Variants in DENND1A observed in about 807,000 individuals in gnomAD.
DENND1A encodes DENN domain containing 1A.
Under a neutral mutation model 113.7 loss-of-function variants are expected in DENND1A, and 51 were observed. The observed-to-expected ratio is 0.45, with a 90% CI of 0.36 to 0.57. DENND1A has a LOEUF of 0.57. DENND1A is among the 20% of genes least tolerant of loss of function. DENND1A has a pLI of 0.00. For synonymous variants in DENND1A, 565 were observed against 570.8 expected (o/e 0.99, Z 0.14); for missense variants, 1,258 against 1,395.9 (o/e 0.90, Z 1.57).
Position 123,387,793 on chromosome 9 carries a change from T to G in DENND1A, c.1697A>C (p.Gln566Pro). The change falls in exon 22 of 24, where the codon CAG (glutamine) becomes CCG (proline). Residue 566 changes from glutamine to proline, a missense_variant. Coordinates refer to ENST00000394215, the MANE Select transcript of DENND1A (RefSeq NM_001352964.2). ...LSEDSSDDEC[Q>P]REEGPSSGFT... ...GCCAGAGCTCGGGCCCTCTTCCCGC[T>G]GGCATTCATCATCAGAGGAGTCTTC... is the stretch of plus-strand genomic sequence containing the variant. 1 of 1,289,938 alleles carries G rather than the reference T, an allele frequency of 7.8e-7. No homozygotes were observed. The highest frequency in any genetic ancestry group is 1.0e-6 in the Non-Finnish European group (1 of 988,902). 79.9% of individuals were successfully genotyped at this position (1,289,938 alleles called of 1,614,324 possible).
At chr9:123,390,727 G>A (rs746908279) in intron 21 of DENND1A, among the ~76,000 whole-genome samples, 19 of 152,332 alleles carry the variant, frequency 1.2e-4, no homozygotes, top group Middle Eastern at 3.4e-3. Context: ...ACTGCAGCCC[G>A]GATGGTCCAC....
At chr9:123,435,469 T>C (rs2132213349) in intron 19 of DENND1A, among the ~76,000 whole-genome samples, 1 of 152,352 alleles carries the variant, frequency 6.6e-6, no homozygotes. Context: ...GGTTTTGGTT[T>C]AACCAGCTTT....
intron 13 of DENND1A, among the ~76,000 whole-genome samples, chr9:123,534,545 A>G (rs1404651600): frequency 6.6e-6 from 1 of 152,220 alleles, no homozygotes; most frequent in Non-Finnish European, 1.5e-5. Flanking sequence ...ACTTTATAAG[A>G]TAATGCCAAA....
chr9:123,650,661 C>T (rs908946220), intron 9 of DENND1A, among the ~76,000 whole-genome samples: 1 of 151,998 alleles, frequency 6.6e-6, no homozygotes, highest in Non-Finnish European at 1.5e-5. Context: ...AATCCCAGCA[C>T]TTTGGGAGGC....
chr9:123,665,190 T>C (rs1335340153), intron 8 of DENND1A, among the ~76,000 whole-genome samples: 2 of 152,184 alleles, frequency 1.3e-5, no homozygotes, highest in African/African-American at 2.4e-5. Context: ...AGACCAATAT[T>C]TGAATTCTGA....
chr9:123,467,720 G>A (rs996360797), intron 13 of DENND1A, among the ~76,000 whole-genome samples: 5 of 152,134 alleles, frequency 3.3e-5, no homozygotes, highest in African/African-American at 9.7e-5. Flanking sequence ...ATTTCAGGAC[G>A]GTGACAGCAG....
At chr9:123,491,480 C>A (rs554863468) in intron 13 of DENND1A, among the ~76,000 whole-genome samples, 1 of 152,302 alleles carries the variant, frequency 6.6e-6, no homozygotes, top group East Asian at 1.9e-4. Flanking sequence ...TGGGGCCTTA[C>A]CTTGCACAGC....
At chr9:123,548,486 C>T (rs964775967) in intron 13 of DENND1A, among the ~76,000 whole-genome samples, 1 of 152,218 alleles carries the variant, frequency 6.6e-6, no homozygotes, top group Non-Finnish European at 1.5e-5. Context: ...AAAGCACGGA[C>T]TCTGTGAAAA....
intron 21 of DENND1A, among the ~76,000 whole-genome samples, chr9:123,396,125 A>G (rs1334679377): frequency 2.0e-5 from 3 of 152,098 alleles, no homozygotes; most frequent in African/African-American, 4.8e-5. Flanking sequence ...GGGGTGTCGG[A>G]GTGCTGAGAT....
intron 3 of DENND1A, among the ~76,000 whole-genome samples, chr9:123,785,804 G>A (rs1161275463): frequency 6.6e-6 from 1 of 152,208 alleles, no homozygotes; most frequent in South Asian, 2.1e-4. Flanking sequence ...ACCTGCAGAT[G>A]AAAAAATTAC....
chr9:123,445,389 G>A (rs2047228556), intron 18 of DENND1A, among the ~76,000 whole-genome samples: 1 of 152,256 alleles, frequency 6.6e-6, no homozygotes, highest in South Asian at 2.1e-4. Flanking sequence ...GCAAGGAGGT[G>A]GAAGGTTTGA....
At chr9:123,733,043 G>A (rs746767468) in intron 5 of DENND1A, among the ~76,000 whole-genome samples, 1 of 151,934 alleles carries the variant, frequency 6.6e-6, no homozygotes, top group Admixed American at 6.6e-5. Flanking sequence ...GTGCAATGGC[G>A]CGATCTCGGC....
rs1027679666 is a variant in DENND1A at position 123,381,748 on chromosome 9, G to T, written c.2897C>A (p.Thr966Lys). Residue 966 changes from threonine to lysine, a missense_variant, in exon 24 of 24, where the codon ACG (threonine) becomes AAG (lysine). By Grantham distance (78) the Thr-to-Lys change is moderately conservative (BLOSUM62 -1). Around this residue, in one of 2 missense-constraint regions of DENND1A, gnomAD observed 1,159 missense variants for 1,231.7 expected, o/e 0.94. Transcript: ENST00000394215. The surrounding 1 kb of genome is among the most constrained non-coding windows in gnomAD (Gnocchi z 4.7). ...GGGACCCAGCGGCTGTAGGGGGCTC[G>T]TGTGGGTGCCCATGGGCATCTGGCC... ...LFGQMPMGTH[T>K]SPLQPLGPPA... The T allele has an allele frequency of 2.0e-6, 3 of 1,513,072 alleles. No individual in the cohort carries two copies. Among genetic ancestry groups the T allele is most frequent in the East Asian group, 4.9e-5 (2 of 40,956 alleles). The allele number at this position is 1,513,072 out of a possible 1,614,324, so 93.7% of individuals were successfully genotyped here. A position where few individuals can be genotyped will look rare whatever the true frequency, so the allele number is the denominator to read the frequency against.
At chr9:123,719,199 A>C (rs1305483379) in intron 5 of DENND1A, among the ~76,000 whole-genome samples, 3 of 152,234 alleles carry the variant, frequency 2.0e-5, no homozygotes, top group Non-Finnish European at 4.4e-5. Context: ...AAAATAGACT[A>C]ACACAGTGGT....
At chr9:123,790,619 A>T (rs910015442) in intron 3 of DENND1A, among the ~76,000 whole-genome samples, 2 of 152,188 alleles carry the variant, frequency 1.3e-5, no homozygotes, top group Non-Finnish European at 2.9e-5. Context: ...TATAATTCTA[A>T]TAATTCCAAC....
Position 123,382,297 on chromosome 9 carries a change from G to C in DENND1A, c.2348C>G (p.Ala783Gly). Residue 783 changes from alanine (A) to glycine (G), a missense_variant, in exon 24 of 24, where the codon GCC becomes GGC. Transcript: ENST00000394215. Reference protein sequence around the residue: ...IVPPPPIPRPAKLQAAGAALG... With the variant: ...IVPPPPIPRPGKLQAAGAALG... The stretch of plus-strand genomic sequence containing the variant: ...TGCGGCGCCGGCAGCCTGGAGCTTG[G>C]CCGGGCGGGGAATGGGCGGTGGAGG... The C allele has an allele frequency of 6.2e-7, 1 of 1,610,980 alleles. No homozygotes were observed. The highest frequency in any genetic ancestry group is 8.5e-7 in the Non-Finnish European group (1 of 1,179,578).
rs568150172 is a variant in DENND1A at position 123,509,243 on chromosome 9, AG to A, written c.993+48326del. On this transcript the variant is annotated intron_variant, in intron 13 of 23. Transcript: ENST00000394215. ...GGACAAATTTTGGCTCTGAGGGAAAAGAAGCGAGGCAAACAAGACTTCGCAG... is the reference window on the plus strand; with the variant it reads ...GGACAAATTTTGGCTCTGAGGGAAAAAAGCGAGGCAAACAAGACTTCGCAG... 4.3e-4 allele frequency among the ~76,000 whole-genome samples: 66 copies of A among 152,338 alleles called. 1 individual carries two copies. Among genetic ancestry groups the A allele is most frequent in the African/African-American group, 1.3e-3 (54 of 41,584 alleles).
At chr9:123,579,406 T>C (rs2058778946) in intron 12 of DENND1A, among the ~76,000 whole-genome samples, 1 of 152,266 alleles carries the variant, frequency 6.6e-6, no homozygotes, top group Middle Eastern at 3.4e-3. Context: ...TGTCCTTAAA[T>C]GTTTTTTTGA....
chr9:123,791,509 T>C (rs1441118903), intron 3 of DENND1A, among the ~76,000 whole-genome samples: 2 of 152,190 alleles, frequency 1.3e-5, no homozygotes, highest in Non-Finnish European at 2.9e-5. Context: ...TCTTGGGTTC[T>C]TGTACTATAA....
Sources: gnomAD v4.1 joint callset for allele counts (sites outside exome capture counted in the v4.1 genomes callset) on GRCh38, gnomAD v4.1.1 for gene constraint, gnomAD v4.1.1 regional missense constraint, Gnocchi (gnomAD v3.1) non-coding constraint, MANE v1.5 for transcripts, NCBI Gene and HGNC (gene_info 2026-07-23, HGNC 2026-07-21) for gene names.